Variants in AP2B1 observed in about 807,000 individuals in gnomAD.
The protein encoded by AP2B1 is adaptor related protein complex 2 subunit beta 1.
AP2B1 carries 23 observed loss-of-function variants against 102.0 expected under a neutral mutation model. The observed-to-expected ratio is 0.23, with a 90% CI of 0.16 to 0.32. The LOEUF (loss-of-function observed/expected upper bound fraction) is 0.32. Ranked by LOEUF, AP2B1 falls within the 10% of genes least tolerant of loss-of-function variation. The pLI is 1.00. For synonymous variants in AP2B1, 381 were observed against 421.2 expected, an observed-to-expected ratio of 0.90 and a Z score of 1.17; for missense variants, 541 against 1,157.4, an observed-to-expected ratio of 0.47 and a Z score of 7.73.
chr17:35,675,079 T>A (rs1449566199), intron 17 of AP2B1, among the ~76,000 whole-genome samples: 1 of 152,244 alleles, frequency 6.6e-6, no homozygotes, highest in Non-Finnish European at 1.5e-5. Context: ...GTATATATGC[T>A]GAACAAATAA....
At chr17:35,596,996 C>T in intron 2 of AP2B1, 2 of 650,878 alleles carry the variant, frequency 3.1e-6, no homozygotes. Flanking sequence ...AGGAGCCTGG[C>T]GCCTGCACGG....
In AP2B1 at chr17:35,607,099, T is replaced by A. The variant is rs868150697; in HGVS notation, c.280-1043T>A. On this transcript the variant is annotated intron_variant, in intron 4 of 21. Transcript: ENST00000610402. Reference sequence around the variant, plus strand: ...TTTGTATATTTAGTAGAGATGGGGTTTCACCATATTGGCCAGGCTGGTCTC... The same window carrying A: ...TTTGTATATTTAGTAGAGATGGGGTATCACCATATTGGCCAGGCTGGTCTC... 2.6e-5 allele frequency among the ~76,000 whole-genome samples: 4 copies of A among 152,118 alleles called. No homozygotes were observed. In the South Asian group the frequency reaches 8.3e-4, roughly 31 times the overall value.
rs1267992574 is a variant in AP2B1, at chr17:35,724,939, G to C, written c.*1240G>C. ...AGATGCCAGAATGAAGGTGTAGCCA[G>C]TGTTTCCCATATGCCCCTGGAGCCC... On this transcript the variant is annotated 3_prime_UTR_variant, in exon 22 of 22. Transcript: ENST00000610402. The C allele has an allele frequency of 6.6e-6, 1 of 152,276 alleles. No individual in the cohort carries two copies. Among genetic ancestry groups the C allele is most frequent in the African/African-American group, 2.4e-5 (1 of 41,456 alleles). 9.4% of individuals were successfully genotyped at this position (152,276 alleles called of 1,614,324 possible).
At chr17:35,693,761 C>T (rs1250849533) in intron 18 of AP2B1, among the ~76,000 whole-genome samples, 1 of 38,458 alleles carries the variant, frequency 2.6e-5, no homozygotes, top group East Asian at 8.8e-4. Context: ...AAGCACAGAA[C>T]TTCTCGATTC....
intron 9 of AP2B1, among the ~76,000 whole-genome samples, chr17:35,632,885 C>T (rs2074502020): frequency 6.6e-6 from 1 of 151,794 alleles, no homozygotes; most frequent in African/African-American, 2.4e-5. Context: ...TCAATGCTTA[C>T]AGTGGCCCAT....
chr17:35,681,142 G>A (rs886079014), intron 17 of AP2B1, among the ~76,000 whole-genome samples: 14 of 152,158 alleles, frequency 9.2e-5, no homozygotes, highest in African/African-American at 3.4e-4. Flanking sequence ...GGATAAAACT[G>A]GTAGCTATTC....
At chr17:35,642,371 A>G (rs1232332129) in intron 12 of AP2B1, among the ~76,000 whole-genome samples, 1 of 152,216 alleles carries the variant, frequency 6.6e-6, no homozygotes, top group African/African-American at 2.4e-5. Flanking sequence ...CTTCCAGAGT[A>G]GTTGCCTTTC....
chr17:35,626,642 C>T lies in AP2B1; in HGVS notation c.738C>T (p.Pro246=), dbSNP rs1212676559. ...EAQSICERVT[P]RLSHANSAVV... is the part of the protein sequence containing the mutation. Reference sequence around the variant, plus strand: ...TCAGCATCTGTGAGCGGGTAACTCCCCGGCTATCCCATGCCAACTCAGCAG... The same window carrying T: ...TCAGCATCTGTGAGCGGGTAACTCCTCGGCTATCCCATGCCAACTCAGCAG... The change falls in exon 7 of 22, where the codon CCC becomes CCT. Residue 246 remains proline (P), a synonymous_variant. Coordinates refer to ENST00000610402, the MANE Select transcript of AP2B1 (RefSeq NM_001030006.2). 1.2e-6 allele frequency: 2 copies of T among 1,612,790 alleles called. No individual in the cohort carries two copies. Among genetic ancestry groups the T allele is most frequent in the Non-Finnish European group, 1.7e-6 (2 of 1,179,596 alleles).
At chr17:35,699,503 T>A (rs587671420) in intron 18 of AP2B1, among the ~76,000 whole-genome samples, 4 of 152,308 alleles carry the variant, frequency 2.6e-5, no homozygotes, top group South Asian at 2.1e-4. Context: ...ATACCCCTGA[T>A]CTATTGGGTG....
rs1417983412 is a variant in AP2B1 at position 35,670,877 on chromosome 17, G to A, written c.2010G>A (p.Gly670=). The change falls in exon 15 of 22, where the codon GGG becomes GGA. Residue 670 remains glycine, a synonymous_variant. Transcript: ENST00000610402. Reference sequence around the variant, plus strand: ...TTCAGCTTGGCAGTGACCTTGGCGGGGGCATTGGAGGAAGTCCGGCAGTAA... The same window carrying A: ...TTCAGCTTGGCAGTGACCTTGGCGGAGGCATTGGAGGAAGTCCGGCAGTAA... The part of the protein sequence containing the change: ...LDSLLGSDLG[G]GIGGSPAVGQ... 2.5e-6 allele frequency: 4 copies of A among 1,613,752 alleles called. No homozygotes were observed. The highest frequency in any genetic ancestry group is 4.5e-5 in the East Asian group (2 of 44,884).
intron 13 of AP2B1, among the ~76,000 whole-genome samples, chr17:35,656,006 T>C (rs549371203): frequency 1.7e-4 from 26 of 152,342 alleles, no homozygotes; most frequent in African/African-American, 6.3e-4. Flanking sequence ...TGCAAGTCCT[T>C]TGTTAGTTAT....
chr17:35,607,874 T>G (rs554369665), intron 4 of AP2B1: 104 of 380,148 alleles, frequency 2.7e-4, no homozygotes, highest in African/African-American at 2.1e-3. Context: ...ACGAACTCCC[T>G]AAACCTCTGC....
At chr17:35,594,406 G>A (rs2142300481) in intron 2 of AP2B1, among the ~76,000 whole-genome samples, 1 of 152,072 alleles carries the variant, frequency 6.6e-6, no homozygotes, top group Non-Finnish European at 1.5e-5. Context: ...ATTTTTACTT[G>A]GAAATAAACA....
chr17:35,688,476 T>C (rs1220344808), intron 18 of AP2B1, among the ~76,000 whole-genome samples: 3 of 152,192 alleles, frequency 2.0e-5, no homozygotes, highest in African/African-American at 7.2e-5. Flanking sequence ...GGGTACTCAT[T>C]GGGTTCTTTA....
rs1274632555 is a variant in AP2B1 at position 35,645,917 on chromosome 17, A to G, written c.1536+3942A>G. ...GTAATTATTCTTTGTGATACATGGA[A>G]TAGAAGTCTTCATGTTTTTCTGTCT... On this transcript the variant is annotated intron_variant, in intron 12 of 21. Transcript: ENST00000610402. Among the ~76,000 whole-genome samples the G allele has an allele frequency of 2.6e-5, 4 of 152,222 alleles. No homozygotes were observed. The East Asian group carries it at 5.8e-4, about 22-fold the overall frequency.
intron 21 of AP2B1, among the ~76,000 whole-genome samples, chr17:35,721,699 T>C (rs2085398386): frequency 6.6e-6 from 1 of 152,186 alleles, no homozygotes; most frequent in Non-Finnish European, 1.5e-5. Flanking sequence ...TCCTTACTAG[T>C]TGTAAACATA....
At chr17:35,697,022 G>A (rs1226318179) in intron 18 of AP2B1, among the ~76,000 whole-genome samples, 2 of 152,192 alleles carry the variant, frequency 1.3e-5, no homozygotes, top group Non-Finnish European at 2.9e-5. Context: ...ACCAAACTAA[G>A]CAAGGCTATC....
intron 5 of AP2B1, among the ~76,000 whole-genome samples, chr17:35,616,546 G>A (rs1256717319): frequency 1.3e-5 from 2 of 152,130 alleles, no homozygotes; most frequent in African/African-American, 4.8e-5. Flanking sequence ...TTTCATATAC[G>A]CTTCAGTCAG....
chr17:35,631,255 A>C (rs768992378), intron 9 of AP2B1, among the ~76,000 whole-genome samples: 1 of 152,028 alleles, frequency 6.6e-6, no homozygotes, highest in Non-Finnish European at 1.5e-5. Flanking sequence ...TCTGTTTACT[A>C]TTTCTGATTT....
Sources: allele counts gnomAD v4.1 joint callset (sites outside exome capture counted in the v4.1 genomes callset), GRCh38; gene constraint gnomAD v4.1.1; transcripts MANE v1.5; gene names NCBI Gene and HGNC (gene_info 2026-07-23, HGNC 2026-07-21).